ANKRD45: variants seen among roughly 807,000 people sequenced by gnomAD.
ANKRD45 encodes the protein ankyrin repeat domain 45, also known as ankyrin repeat domain-containing protein 45.
ANKRD45 carries 21 observed loss-of-function variants against 28.1 expected under a neutral mutation model. The ratio of observed to expected loss-of-function variants is 0.75; its 90% CI spans 0.53 to 1.08. ANKRD45 has a LOEUF of 1.08. Among genes scored for constraint, ANKRD45 ranks in the 50% least tolerant of loss-of-function variants. The pLI, the probability that ANKRD45 is intolerant of heterozygous loss-of-function variation, is 0.00. For missense variants in ANKRD45, 261 were observed against 308.7 expected (o/e 0.85, Z 1.16); for synonymous variants, 86 against 103.9 (o/e 0.83, Z 1.05).
chr1:173,688,333 CCT>C, the ANKRD45 span, among the ~76,000 whole-genome samples: 1 of 142,666 alleles, frequency 7.0e-6, no homozygotes, highest in African/African-American at 2.6e-5. Flanking sequence ...TCTCTGACTC[CCT>C]CTTTCTCTCT....
At chr1:173,702,557 G>C in the ANKRD45 span, among the ~76,000 whole-genome samples, 3 of 152,024 alleles carry the variant, frequency 2.0e-5, no homozygotes, top group South Asian at 6.2e-4. Context: ...AGAATAAACA[G>C]CTTTAGGTGA....
At chr1:173,623,393 T>A (rs779805122) in intron 5 of ANKRD45, among the ~76,000 whole-genome samples, 67 of 150,850 alleles carry the variant, frequency 4.4e-4, no homozygotes, top group Non-Finnish European at 8.9e-5. Context: ...GAAATGCGAA[T>A]CAAAAATACA....
intron 1 of ANKRD45, among the ~76,000 whole-genome samples, chr1:173,661,626 G>A (rs1301064813): frequency 1.3e-5 from 2 of 152,088 alleles, no homozygotes; most frequent in Non-Finnish European, 2.9e-5. Context: ...TAAGAGACTA[G>A]AGGCAAAAAA....
At chr1:173,705,381 C>T in the ANKRD45 span, among the ~76,000 whole-genome samples, 9 of 150,772 alleles carry the variant, frequency 6.0e-5, no homozygotes, top group Non-Finnish European at 4.4e-5. Context: ...TAAAAATAGA[C>T]GGCCGAGCAT....
intron 5 of ANKRD45, among the ~76,000 whole-genome samples, chr1:173,619,186 C>G: frequency 6.6e-6 from 1 of 152,198 alleles, no homozygotes. Context: ...CAAAAATAAA[C>G]TGAAGTACAC....
chr1:173,694,888 T>A, the ANKRD45 span, among the ~76,000 whole-genome samples: 1 of 152,208 alleles, frequency 6.6e-6, no homozygotes, highest in Non-Finnish European at 1.5e-5. Context: ...TCTCTTGTAT[T>A]ATTTTTATTA....
At chr1:173,655,764 C>T (rs1034294118) in intron 2 of ANKRD45, among the ~76,000 whole-genome samples, 4 of 152,226 alleles carry the variant, frequency 2.6e-5, no homozygotes, top group African/African-American at 7.2e-5. Flanking sequence ...CCACCCAGTT[C>T]GAGCTTCCCT....
chr1:173,697,674 A>G, the ANKRD45 span, among the ~76,000 whole-genome samples: 2 of 152,228 alleles, frequency 1.3e-5, no homozygotes, highest in Non-Finnish European at 2.9e-5. Context: ...AGCACTAAAC[A>G]TGGAAAGGAA....
chr1:173,673,868 C>T (rs1251476895), upstream of ANKRD45, among the ~76,000 whole-genome samples: 1 of 152,126 alleles, frequency 6.6e-6, no homozygotes, highest in Admixed American at 6.5e-5. Context: ...TAAAGCCACT[C>T]CCCTGGTGTG....
chr1:173,709,786 CAT>C, the ANKRD45 span, among the ~76,000 whole-genome samples: 5 of 152,060 alleles, frequency 3.3e-5, no homozygotes, highest in Admixed American at 1.3e-4. Context: ...CATGTGACAC[CAT>C]GCCCAGCTAA....
chr1:173,709,356 C>T, the ANKRD45 span, among the ~76,000 whole-genome samples: 1 of 152,182 alleles, frequency 6.6e-6, no homozygotes, highest in Non-Finnish European at 1.5e-5. Context: ...CAGGGCAGCT[C>T]ACAATATGGT....
chr1:173,697,124 G>C, the ANKRD45 span, among the ~76,000 whole-genome samples: 2 of 152,090 alleles, frequency 1.3e-5, no homozygotes, highest in African/African-American at 4.8e-5. Flanking sequence ...AGAAAAAAGA[G>C]TAAAAACAAT....
At chr1:173,714,813 C>CTTTG in the ANKRD45 span, 10 of 152,208 alleles carry the variant, frequency 6.6e-5, no homozygotes, top group African/African-American at 2.4e-4. Flanking sequence ...GATAAACAAC[C>CTTTG]TCTGAGGTTA....
At chr1:173,704,125 A>G in the ANKRD45 span, among the ~76,000 whole-genome samples, 1 of 152,200 alleles carries the variant, frequency 6.6e-6, no homozygotes, top group Admixed American at 6.5e-5. Context: ...TTCAACTTCA[A>G]GCAAGGAAGG....
At chr1:173,666,821 C>G (rs1293559551) in intron 1 of ANKRD45, among the ~76,000 whole-genome samples, 1 of 152,050 alleles carries the variant, frequency 6.6e-6, no homozygotes, top group Non-Finnish European at 1.5e-5. Context: ...GATGCCATCA[C>G]GACTCACTAC....
intron 3 of ANKRD45, among the ~76,000 whole-genome samples, chr1:173,642,413 A>G (rs1668741847): frequency 6.6e-6 from 1 of 152,222 alleles, no homozygotes; most frequent in Non-Finnish European, 1.5e-5. Context: ...GACATGTTAA[A>G]CAAGTTTAAA....
In ANKRD45 at chr1:173,659,300, AAAAGGGGGTTCTTAG is replaced by A. The variant is rs1188864156; in HGVS notation, c.104_118del (p.Pro35_Leu39del). On this transcript the variant is annotated inframe_deletion, in exon 2 of 6. Coordinates refer to ENST00000333279, the MANE Select transcript of ANKRD45 (RefSeq NM_198493.3). ...TACATCCCCTGTGAGAGCAGGTTGT[AAAAGGGGGTTCTTAG>A]GGCCTGTTTCCTCTGGTTCTTGGGC... 1.2e-6 allele frequency: 2 copies of A among 1,613,756 alleles called. No individual in the cohort carries two copies. Among genetic ancestry groups the A allele is most frequent in the East Asian group, 2.2e-5 (1 of 44,890 alleles).
intron 2 of ANKRD45, among the ~76,000 whole-genome samples, chr1:173,651,996 C>T (rs570822556): frequency 6.6e-6 from 1 of 152,192 alleles, no homozygotes; most frequent in Non-Finnish European, 1.5e-5. Context: ...AGATTTGGGG[C>T]TGAAACGATG....
At chr1:173,679,102 G>A in the ANKRD45 span, among the ~76,000 whole-genome samples, 84 of 152,242 alleles carry the variant, frequency 5.5e-4, no homozygotes, top group African/African-American at 1.9e-3. Context: ...AATCAATATC[G>A]TGAAAATGGC....
Sources: gnomAD v4.1 joint callset for allele counts (sites outside exome capture counted in the v4.1 genomes callset) on GRCh38, gnomAD v4.1.1 for gene constraint, MANE v1.5 for transcripts, NCBI Gene and HGNC (gene_info 2026-07-23, HGNC 2026-07-21) for gene names.